HIP1R: variants seen among roughly 807,000 people sequenced by gnomAD.
The protein encoded by HIP1R is huntingtin interacting protein 1 related.
HIP1R carries 135 observed loss-of-function variants against 144.2 expected under a neutral mutation model. The ratio of observed to expected loss-of-function variants is 0.94; its 90% CI spans 0.81 to 1.08. The LOEUF (loss-of-function observed/expected upper bound fraction) is 1.08, where lower values mean the gene tolerates loss of function less well. Ranked by LOEUF, HIP1R falls within the 50% of genes least tolerant of loss-of-function variation. HIP1R has a pLI of 0.00. For missense variants in HIP1R, 1,462 were observed against 1,432.8 expected, an observed-to-expected ratio of 1.02 and a Z score of -0.33; for synonymous variants, 698 against 612.8, an observed-to-expected ratio of 1.14 and a Z score of -2.05.
At chr12:122,857,830 G>T in intron 18 of HIP1R, 1 of 388,846 alleles carries the variant, frequency 2.6e-6, no homozygotes, top group Non-Finnish European at 4.6e-6. Context: ...GATAGCAAAG[G>T]GTGCTACATA....
chr12:122,849,355 C>T (rs961532358), intron 4 of HIP1R, among the ~76,000 whole-genome samples: 7 of 152,240 alleles, frequency 4.6e-5, no homozygotes, highest in South Asian at 2.1e-4. Context: ...GTGGGGTGCT[C>T]GTCTGCCTGG....
chr12:122,837,914 G>C (rs1026621135), intron 1 of HIP1R, among the ~76,000 whole-genome samples: 6 of 152,228 alleles, frequency 3.9e-5, no homozygotes, highest in African/African-American at 7.2e-5. Flanking sequence ...AGCTGAGGTT[G>C]TTACTTCCAT....
chr12:122,859,600 T>C (rs1253842424), intron 23 of HIP1R, 64 bp downstream of exon 23: 2 of 1,424,436 alleles, frequency 1.4e-6, no homozygotes, highest in South Asian at 1.2e-5. Context: ...AGGCCCCAAC[T>C]GGGCTGGGTA....
In HIP1R at chr12:122,861,867, G is replaced by A. The variant is rs758668280; in HGVS notation, c.*114G>A. ...TGGTGCCCAAGCCTCCCGCCCCACCGTCTGGATCAATGTCCTCAAGGCCCC... is the reference window on the plus strand; with the variant it reads ...TGGTGCCCAAGCCTCCCGCCCCACCATCTGGATCAATGTCCTCAAGGCCCC... On this transcript the variant is annotated 3_prime_UTR_variant, in exon 32 of 32. Coordinates refer to ENST00000253083, the MANE Select transcript of HIP1R (RefSeq NM_003959.3). The A allele has an allele frequency of 3.8e-5, 36 of 956,912 alleles. No individual in the cohort carries two copies. The highest frequency in any genetic ancestry group is 1.1e-4 in the African/African-American group (7 of 61,274). The allele number at this position is 956,912 out of a possible 1,614,324, so 59.3% of individuals were successfully genotyped here.
chr12:122,849,976 A>G lies in HIP1R; in HGVS notation c.438+21A>G, dbSNP rs774993045. On this transcript the variant is annotated intron_variant, in intron 5 of 31. Coordinates refer to ENST00000253083, the MANE Select transcript of HIP1R (RefSeq NM_003959.3). ...TCAAGGTGGTTTCCTCGGGGGAGTC[A>G]TGGGGCTGAGGGACCCGTGGGCTTT... The G allele has an allele frequency of 4.4e-6, 7 of 1,584,480 alleles. No homozygotes were observed. The Admixed American group carries it at 1.0e-4, about 23-fold the overall frequency.
At chr12:122,849,977 T>G (rs1281210931) in intron 5 of HIP1R, 22 bp downstream of exon 5, 1 of 1,564,764 alleles carries the variant, frequency 6.4e-7, no homozygotes. Flanking sequence ...GGGGGAGTCA[T>G]GGGGCTGAGG....
intron 4 of HIP1R, among the ~76,000 whole-genome samples, 179 bp downstream of exon 4, chr12:122,849,031 G>A (rs768955294): frequency 1.3e-5 from 2 of 152,246 alleles, no homozygotes; most frequent in African/African-American, 2.4e-5. Flanking sequence ...GGCCCAGGGC[G>A]CTCCACACGC....
intron 1 of HIP1R, among the ~76,000 whole-genome samples, chr12:122,837,539 G>A (rs971689310): frequency 6.6e-6 from 1 of 152,166 alleles, no homozygotes; most frequent in African/African-American, 2.4e-5. Context: ...GGCTGGTCTC[G>A]AACTCCTGAC....
In HIP1R at chr12:122,858,909, G is replaced by A. The variant is rs745739822; in HGVS notation, c.2122G>A (p.Ala708Thr). The change falls in exon 21 of 32, where the codon GCC (alanine) becomes ACC (threonine). Residue 708 changes from alanine to threonine, a missense_variant. By Grantham distance (58) the Ala-to-Thr change is moderately conservative. Transcript: ENST00000253083. ...TGCGGATACCATCATCAATGGCGGTGCCACCTCGCACCTGGCTCCCACCGA... is the reference window on the plus strand; with the variant it reads ...TGCGGATACCATCATCAATGGCGGTACCACCTCGCACCTGGCTCCCACCGA... The part of the protein sequence containing the change: ...LAADTIINGG[A>T]TSHLAPTDPA... 2 of 1,613,092 alleles carry A rather than the reference G, an allele frequency of 1.2e-6. No homozygotes were observed. Among genetic ancestry groups the A allele is most frequent in the Non-Finnish European group, 1.7e-6 (2 of 1,179,982 alleles).
At chr12:122,849,052 G>A (rs536743887) in intron 4 of HIP1R, among the ~76,000 whole-genome samples, 200 bp downstream of exon 4, 2 of 152,346 alleles carry the variant, frequency 1.3e-5, no homozygotes, top group African/African-American at 4.8e-5. Flanking sequence ...ATAACCAGTG[G>A]GCCCTCCAGC....
At chr12:122,838,682 T>C (rs1324173191) in intron 1 of HIP1R, among the ~76,000 whole-genome samples, 2 of 152,186 alleles carry the variant, frequency 1.3e-5, no homozygotes, top group Non-Finnish European at 2.9e-5. Flanking sequence ...CAGGTGGAAT[T>C]AGAGTTTTTC....
Position 122,860,822 on chromosome 12 carries a change from G to C in HIP1R, c.2766+38G>C, listed in dbSNP as rs201359359. 2.5e-6 allele frequency: 4 copies of C among 1,601,450 alleles called. No homozygotes were observed. In the African/African-American group the frequency reaches 4.0e-5, roughly 16 times the overall value. ...GCCGACAGCAGCACACTGGGCTCTG[G>C]GCCCAGCTTGGCCTGGGCTGTGGCT... On this transcript the variant is annotated intron_variant, in intron 28 of 31. Coordinates refer to ENST00000253083, the MANE Select transcript of HIP1R (RefSeq NM_003959.3).
chr12:122,851,217 C>T lies in HIP1R; in HGVS notation c.516-19C>T. On this transcript the variant is annotated intron_variant, in intron 6 of 31. Transcript: ENST00000253083. The stretch of plus-strand genomic sequence containing the variant: ...TCCACCCACCCTTTTTCATTTCTTC[C>T]CCCACTTCTCTTGCGTAGCTTCCAG... The T allele has an allele frequency of 6.7e-7, 1 of 1,493,624 alleles. No homozygotes were observed. Among genetic ancestry groups the T allele is most frequent in the Admixed American group, 2.6e-5 (1 of 38,550 alleles). The allele number at this position is 1,493,624 out of a possible 1,614,324, so 92.5% of individuals were successfully genotyped here. A position where few individuals can be genotyped will look rare whatever the true frequency, so the allele number is the denominator to read the frequency against.
At chr12:122,859,366 G>C in intron 22 of HIP1R, 60 bp from the exon 23 acceptor site, 1 of 1,527,864 alleles carries the variant, frequency 6.5e-7, no homozygotes, top group Non-Finnish European at 9.0e-7. Context: ...CTCTTTCCCA[G>C]GCTGCCCGTG....
At chr12:122,838,622 C>T (rs906250375) in intron 1 of HIP1R, among the ~76,000 whole-genome samples, 2 of 152,154 alleles carry the variant, frequency 1.3e-5, no homozygotes, top group Non-Finnish European at 2.9e-5. Context: ...AGAGAGAGAC[C>T]GTGTGGCAGC....
chr12:122,861,702 G>A lies in HIP1R; in HGVS notation c.3160-4G>A, dbSNP rs376604813. ...CACTGACCCCCCACCTTTAACCCCT[G>A]CAGCTTGACAAAAAGGATGGCATCT... On this transcript the variant is annotated splice_polypyrimidine_tract_variant and splice_region_variant and intron_variant, in intron 31 of 31. Transcript: ENST00000253083. The A allele has an allele frequency of 8.7e-5, 140 of 1,613,982 alleles. No homozygotes were observed. Among genetic ancestry groups the A allele is most frequent in the Non-Finnish European group, 1.1e-4 (133 of 1,179,998 alleles).
chr12:122,859,021 C>CGGG (rs34679510), intron 21 of HIP1R, 40 bp from the exon 22 acceptor site: 53 of 867,378 alleles, frequency 6.1e-5, no homozygotes, highest in Admixed American at 3.9e-4. Context: ...TGGAGCCTGT[C>CGGG]GGTGGGGGGG....
chr12:122,857,962 T>C (rs2033643237), intron 18 of HIP1R, 140 bp from the exon 19 acceptor site: 1 of 683,324 alleles, frequency 1.5e-6, no homozygotes, highest in Admixed American at 2.7e-5. Context: ...GGGAAGCCTC[T>C]TTCTAGAAAT....
intron 2 of HIP1R, 60 bp from the exon 3 acceptor site, chr12:122,848,406 C>T (rs1403705329): frequency 1.7e-5 from 27 of 1,554,852 alleles, no homozygotes; most frequent in South Asian, 1.3e-4. Context: ...CTCTCTCAGC[C>T]GGGTTTGCTG....
Sources: gnomAD v4.1 joint callset for allele counts (sites outside exome capture counted in the v4.1 genomes callset) on GRCh38, gnomAD v4.1.1 for gene constraint, MANE v1.5 for transcripts, NCBI Gene and HGNC (gene_info 2026-07-23, HGNC 2026-07-21) for gene names.